SPRY3: variants seen among roughly 807,000 people sequenced by gnomAD.
SPRY3 encodes protein sprouty homolog 3.
Under a neutral mutation model 20.2 loss-of-function variants are expected in SPRY3, and 15 were observed. That is an observed-to-expected ratio of 0.74 (90% CI 0.50 to 1.14). The LOEUF (loss-of-function observed/expected upper bound fraction) is 1.14. SPRY3 is among the 50% of genes most tolerant of loss of function. SPRY3 has a pLI of 0.00. For synonymous variants in SPRY3, 143 were observed against 136.5 expected (o/e 1.05, Z -0.33); for missense variants, 364 against 363.9 (o/e 1.00, Z 0.00).
intron 2 of SPRY3, among the ~76,000 whole-genome samples, chrX:155,696,697 T>A (rs1359225053): frequency 9.0e-6 from 1 of 111,294 alleles, no homozygotes; most frequent in Non-Finnish European, 1.9e-5. Context: ...TAGCCACCAC[T>A]AACAAAACCA....
At chrX:155,613,618 T>A (rs1241611194) in intron 1 of SPRY3, among the ~76,000 whole-genome samples, 3 of 112,190 alleles carry the variant, frequency 2.7e-5, no homozygotes, top group African/African-American at 9.7e-5. Flanking sequence ...GGAATTGGTT[T>A]GTAGAAGTCA....
intron 1 of SPRY3, among the ~76,000 whole-genome samples, chrX:155,629,305 C>CTCCA (rs782383921): frequency 5.6e-4 from 62 of 109,883 alleles, no homozygotes; most frequent in Non-Finnish European, 1.1e-3. Flanking sequence ...TGGTTTACAG[C>CTCCA]TCCATCCATG....
chrX:155,619,126 T>G (rs2067863297), intron 1 of SPRY3, among the ~76,000 whole-genome samples: 1 of 110,778 alleles, frequency 9.0e-6, no homozygotes, highest in Non-Finnish European at 1.9e-5. Flanking sequence ...TCCAAAGATT[T>G]TATCATGTTT....
chrX:155,705,808 G>T (rs1022380593), intron 2 of SPRY3, among the ~76,000 whole-genome samples: 2 of 151,236 alleles, frequency 1.3e-5, no homozygotes, highest in African/African-American at 4.8e-5. Context: ...CTCTCCAAAA[G>T]ACATAATCCA....
At chrX:155,703,994 C>T (rs969496621) in intron 2 of SPRY3, among the ~76,000 whole-genome samples, 1 of 151,838 alleles carries the variant, frequency 6.6e-6, no homozygotes, top group Non-Finnish European at 1.5e-5. Flanking sequence ...TGTAATAATG[C>T]AAACCCTCGC....
intron 2 of SPRY3, among the ~76,000 whole-genome samples, chrX:155,751,565 G>A (rs922301021): frequency 3.3e-5 from 5 of 151,798 alleles, no homozygotes; most frequent in African/African-American, 9.7e-5. Flanking sequence ...CAACACAGAC[G>A]TTTGAGTTGT....
intron 2 of SPRY3, among the ~76,000 whole-genome samples, chrX:155,724,361 T>A (rs1316629960): frequency 6.6e-6 from 1 of 152,180 alleles, no homozygotes; most frequent in Non-Finnish European, 1.5e-5. Flanking sequence ...ATTGAATCTA[T>A]AAATTACCTT....
intron 2 of SPRY3, among the ~76,000 whole-genome samples, chrX:155,707,585 T>G (rs758819746): frequency 6.6e-6 from 1 of 151,418 alleles, no homozygotes; most frequent in African/African-American, 2.4e-5. Flanking sequence ...TTTTCAATTC[T>G]TTCAGATTTT....
intron 2 of SPRY3, among the ~76,000 whole-genome samples, chrX:155,692,467 A>C (rs773606867): frequency 9.0e-6 from 1 of 111,222 alleles, no homozygotes; most frequent in Non-Finnish European, 1.9e-5. Context: ...AAGCCCTGTA[A>C]TTTCTCTAAT....
At position 155,634,859 on chromosome X, in the gene SPRY3, T is replaced by G. The variant is rs182680028; in HGVS notation, c.-440-22008T>G. 4.7e-5 allele frequency among the ~76,000 whole-genome samples: 5 copies of G among 107,153 alleles called. No homozygotes were observed. In the Admixed American group the frequency reaches 5.1e-4, roughly 11 times the overall value. 93.0% of individuals were successfully genotyped at this position (107,153 alleles called of 115,157 possible). On this transcript the variant is annotated intron_variant, in intron 1 of 3. Transcript: ENST00000675360. ...GCCTAAGTTATATATATATATTATA[T>G]ATGTACACTTTATATATATAATATA...
At chrX:155,718,915 G>T (rs2091038378) in intron 2 of SPRY3, among the ~76,000 whole-genome samples, 2 of 152,120 alleles carry the variant, frequency 1.3e-5, no homozygotes, top group East Asian at 3.9e-4. Context: ...GCAAGATGAT[G>T]AAATAAAAGT....
intron 2 of SPRY3, among the ~76,000 whole-genome samples, chrX:155,711,634 TG>T (rs1254114222): frequency 6.6e-6 from 1 of 151,706 alleles, no homozygotes; most frequent in African/African-American, 2.4e-5. Flanking sequence ...TGTATTGTTT[TG>T]TTCATTTCAG....
intron 1 of SPRY3, among the ~76,000 whole-genome samples, chrX:155,650,373 T>G (rs1023808057): frequency 8.9e-5 from 10 of 111,836 alleles, no homozygotes; most frequent in Admixed American, 6.7e-4. Flanking sequence ...TAAGTACTCA[T>G]GGTTATTTCT....
intron 2 of SPRY3, among the ~76,000 whole-genome samples, chrX:155,708,935 C>G (rs2090969245): frequency 6.6e-6 from 1 of 151,196 alleles, no homozygotes; most frequent in African/African-American, 2.4e-5. Context: ...TTCTTCTATA[C>G]TCTATCTCCA....
chrX:155,749,975 G>T (rs1401748092), intron 2 of SPRY3, among the ~76,000 whole-genome samples: 1 of 151,764 alleles, frequency 6.6e-6, no homozygotes, highest in Admixed American at 6.6e-5. Context: ...GATCAGCTAA[G>T]GAATGAATGT....
At chrX:155,769,320 T>G (rs2091366975) in intron 3 of SPRY3, among the ~76,000 whole-genome samples, 1 of 152,282 alleles carries the variant, frequency 6.6e-6, no homozygotes, top group Non-Finnish European at 1.5e-5. Context: ...ACACTAATTC[T>G]TCCTTAAAGA....
Position 155,773,725 on chromosome X carries a change from C to G in SPRY3, c.-106-41C>G. 6 of 902,270 alleles carry G rather than the reference C, an allele frequency of 6.6e-6. No homozygotes were observed. The South Asian group carries it at 9.9e-5, about 15-fold the overall frequency. The allele number at this position is 902,270 out of a possible 1,614,324, so 55.9% of individuals were successfully genotyped here. A position where few individuals can be genotyped will look rare whatever the true frequency, so the allele number is the denominator to read the frequency against. On this transcript the variant is annotated intron_variant, in intron 3 of 3. Transcript: ENST00000675360. ...TTGGTTTCTTGCAAAGTACTTATGCCTGTGTGTTCTCATTTACTGTTTTTA... is the reference window on the plus strand; with the variant it reads ...TTGGTTTCTTGCAAAGTACTTATGCGTGTGTGTTCTCATTTACTGTTTTTA...
chrX:155,705,855 C>G (rs1170663833), intron 2 of SPRY3, among the ~76,000 whole-genome samples: 1 of 151,248 alleles, frequency 6.6e-6, no homozygotes, highest in African/African-American at 2.4e-5. Flanking sequence ...GTACTATGTA[C>G]ATAGCACATA....
chrX:155,681,945 A>AT (rs1429896236), intron 2 of SPRY3, among the ~76,000 whole-genome samples: 1 of 112,904 alleles, frequency 8.9e-6, no homozygotes, highest in Non-Finnish European at 1.9e-5. Flanking sequence ...GTTATCCAGA[A>AT]GATCTAGCTC....
Sources: gnomAD v4.1 joint callset for allele counts (sites outside exome capture counted in the v4.1 genomes callset) on GRCh38, gnomAD v4.1.1 for gene constraint, MANE v1.5 for transcripts, NCBI Gene and HGNC (gene_info 2026-07-23, HGNC 2026-07-21) for gene names.